The following IRF2 variants were observed in gnomAD, a reference collection of about 807,000 sequenced individuals.
IRF2 encodes the protein interferon regulatory factor 2.
Under a neutral mutation model 40.6 loss-of-function variants are expected in IRF2, and 15 were observed. The ratio of observed to expected loss-of-function variants is 0.37; its 90% CI spans 0.25 to 0.57. The LOEUF is 0.57. IRF2 is among the 20% of genes least tolerant of loss of function. IRF2 has a pLI of 0.77. For synonymous variants in IRF2, 151 were observed against 165.5 expected (o/e 0.91, Z 0.67); for missense variants, 317 against 455.7 (o/e 0.70, Z 2.77).
chr4:184,405,032 C>A (rs1445967911), intron 6 of IRF2, among the ~76,000 whole-genome samples: 3 of 152,160 alleles, frequency 2.0e-5, no homozygotes, highest in African/African-American at 7.2e-5. Context: ...CATTTGAGGT[C>A]AGCAGTTCAA....
At chr4:184,447,931 C>T (rs960010449) in intron 1 of IRF2, among the ~76,000 whole-genome samples, 2 of 152,238 alleles carry the variant, frequency 1.3e-5, no homozygotes, top group East Asian at 1.9e-4. Context: ...ACAGGGTCTG[C>T]GGGTGGGAGG....
chr4:184,418,788 C>T (rs2149900195), intron 3 of IRF2, 80 bp from the exon 4 acceptor site: 1 of 1,235,424 alleles, frequency 8.1e-7, no homozygotes, highest in Middle Eastern at 2.7e-4. Flanking sequence ...CACAGTATTG[C>T]TGGTCAGGCA....
At chr4:184,467,258 T>C (rs978998026) in intron 1 of IRF2, among the ~76,000 whole-genome samples, 4 of 152,238 alleles carry the variant, frequency 2.6e-5, no homozygotes, top group Non-Finnish European at 5.9e-5. Context: ...TAAAACTCTT[T>C]CAGTGACATT....
chr4:184,431,519 G>A (rs973533438), intron 1 of IRF2, among the ~76,000 whole-genome samples: 1 of 152,336 alleles, frequency 6.6e-6, no homozygotes, highest in Non-Finnish European at 1.5e-5. Context: ...CTGCCCGCCA[G>A]GGTGGTGACC....
At chr4:184,409,300 C>T (rs907691548) in intron 5 of IRF2, among the ~76,000 whole-genome samples, 1 of 152,124 alleles carries the variant, frequency 6.6e-6, no homozygotes. Context: ...CTTATTTATA[C>T]ACTACTTGGA....
chr4:184,391,945 A>G (rs1736276453), intron 7 of IRF2, among the ~76,000 whole-genome samples: 1 of 152,222 alleles, frequency 6.6e-6, no homozygotes, highest in African/African-American at 2.4e-5. Flanking sequence ...AAGGCCTAGC[A>G]AGGGCCTGGC....
intron 1 of IRF2, among the ~76,000 whole-genome samples, chr4:184,464,899 G>T (rs1296630766): frequency 6.6e-6 from 1 of 151,476 alleles, no homozygotes; most frequent in Non-Finnish European, 1.5e-5. Flanking sequence ...GACGGGAGAG[G>T]GACAGCTGCT....
At position 184,408,056 on chromosome 4, in the gene IRF2, C is replaced by T; in HGVS notation, c.529+102G>A. The T allele has an allele frequency of 1.5e-6, 1 of 683,744 alleles. No homozygotes were observed. Among genetic ancestry groups the T allele is most frequent in the East Asian group, 2.6e-5 (1 of 38,598 alleles). The allele number at this position is 683,744 out of a possible 1,614,324, so 42.4% of individuals were successfully genotyped here. On this transcript the variant is annotated intron_variant, in intron 6 of 8. Coordinates refer to ENST00000393593, the MANE Select transcript of IRF2 (RefSeq NM_002199.4). The surrounding 1 kb of genome is among the most constrained non-coding windows in gnomAD (Gnocchi z 4.9). ...TTGCATTCTGAGATGATTCCAAGAC[C>T]TCCTCCCACTGACTATGTTATTTGA...
intron 5 of IRF2, among the ~76,000 whole-genome samples, chr4:184,415,205 T>C (rs1395016891): frequency 1.3e-5 from 2 of 152,260 alleles, no homozygotes; most frequent in Non-Finnish European, 2.9e-5. Flanking sequence ...AAAGTAAGGC[T>C]GTGTTTAGGC....
At chr4:184,452,554 T>C (rs1183567089) in intron 1 of IRF2, among the ~76,000 whole-genome samples, 2 of 152,068 alleles carry the variant, frequency 1.3e-5, no homozygotes, top group African/African-American at 4.8e-5. Context: ...AGCTGTGACT[T>C]TGGGCAGGTT....
Position 184,426,963 on chromosome 4 carries a change from C to T in IRF2, c.87+2015G>A, listed in dbSNP as rs116707623. The stretch of plus-strand genomic sequence containing the variant: ...ATTAACTGTACCTACCCCATGGTGG[C>T]GGAACGTGAGCTAATGCATGTACCT... On this transcript the variant is annotated intron_variant, in intron 2 of 8. Transcript: ENST00000393593. Among the ~76,000 whole-genome samples the T allele has an allele frequency of 3.5e-3, 540 of 152,320 alleles. 4 individuals carry two copies. The highest frequency in any genetic ancestry group is 4.9e-3 in the Non-Finnish European group (331 of 68,030).
chr4:184,389,088 T>C, intron 8 of IRF2, 22 bp from the exon 9 acceptor site: 2 of 1,609,922 alleles, frequency 1.2e-6, no homozygotes, highest in Non-Finnish European at 1.7e-6. Context: ...GTAATTAAGA[T>C]ATGTATTTCC....
At chr4:184,400,805 C>T (rs1278522784) in intron 6 of IRF2, among the ~76,000 whole-genome samples, 1 of 152,162 alleles carries the variant, frequency 6.6e-6, no homozygotes, top group African/African-American at 2.4e-5. Context: ...TTGAAGGTCC[C>T]TAAGGTCCTG....
intron 1 of IRF2, among the ~76,000 whole-genome samples, chr4:184,459,865 T>G (rs1739072372): frequency 6.6e-6 from 1 of 152,188 alleles, no homozygotes; most frequent in African/African-American, 2.4e-5. Context: ...TAACAAATGT[T>G]GGTAAAAGGT....
Position 184,388,346 on chromosome 4 carries a change from A to G in IRF2, c.*412T>C. ...GCCTATCTGTAAGTGCTTTAAGATA[A>G]GGTGCAGAAGCAGACTGCAATGTCG... On this transcript the variant is annotated 3_prime_UTR_variant, in exon 9 of 9. Coordinates refer to ENST00000393593, the MANE Select transcript of IRF2 (RefSeq NM_002199.4). The surrounding 1 kb of genome is among the most constrained non-coding windows in gnomAD (Gnocchi z 4.6). 1 of 173,120 alleles carries G rather than the reference A, an allele frequency of 5.8e-6. No homozygotes were observed. The highest frequency in any genetic ancestry group is 1.2e-5 in the Non-Finnish European group (1 of 82,216). 10.7% of individuals were successfully genotyped at this position (173,120 alleles called of 1,614,324 possible). A position where few individuals can be genotyped will look rare whatever the true frequency, so the allele number is the denominator to read the frequency against.
chr4:184,416,275 G>A (rs116505315), intron 5 of IRF2, among the ~76,000 whole-genome samples: 2,781 of 142,694 alleles, frequency 0.019, 100 homozygotes, highest in African/African-American at 0.07. Flanking sequence ...CTATGATCGC[G>A]TCACTTCACT....
intron 1 of IRF2, among the ~76,000 whole-genome samples, chr4:184,460,955 C>T (rs1369760493): frequency 6.6e-6 from 1 of 152,182 alleles, no homozygotes; most frequent in African/African-American, 2.4e-5. Flanking sequence ...CTCTAGAGCA[C>T]TAATGGGAAG....
chr4:184,465,488 G>GC (rs1228073945), intron 1 of IRF2, among the ~76,000 whole-genome samples: 9 of 98,614 alleles, frequency 9.1e-5, no homozygotes, highest in Admixed American at 7.3e-4. Context: ...GTTTCAAGAA[G>GC]GAAAAAAAAA....
chr4:184,420,585 C>T (rs1452536930), intron 2 of IRF2, among the ~76,000 whole-genome samples: 1 of 152,152 alleles, frequency 6.6e-6, no homozygotes, highest in Non-Finnish European at 1.5e-5. Context: ...AAAACCGCCT[C>T]AAGCAACCCT....
Sources: allele counts gnomAD v4.1 joint callset (sites outside exome capture counted in the v4.1 genomes callset), GRCh38; gene constraint gnomAD v4.1.1; non-coding constraint Gnocchi (gnomAD v3.1); transcripts MANE v1.5; gene names NCBI Gene and HGNC (gene_info 2026-07-23, HGNC 2026-07-21).